SVIL: variants seen among roughly 807,000 people sequenced by gnomAD.
The protein encoded by SVIL is archvillin.
Under a neutral mutation model 240.4 loss-of-function variants are expected in SVIL, and 101 were observed. That is an observed-to-expected ratio of 0.42 (90% CI 0.36 to 0.50). The LOEUF is 0.50. Among genes scored for constraint, SVIL ranks in the 20% least tolerant of loss-of-function variants. The probability of loss-of-function intolerance (pLI) is 0.01; values close to 1 mark genes in which losing one functional copy is unlikely to be tolerated. For missense variants in SVIL, 2,512 were observed against 2,818.7 expected (o/e 0.89, Z 2.46); for synonymous variants, 999 against 1,100.0 (o/e 0.91, Z 1.82).
intron 1 of SVIL, among the ~76,000 whole-genome samples, chr10:29,723,835 G>A (rs759131403): frequency 6.6e-6 from 1 of 152,128 alleles, no homozygotes; most frequent in East Asian, 1.9e-4. Flanking sequence ...TGAAACAAAA[G>A]CCATTGTTGG....
chr10:29,652,525 C>A (rs1958871159), intron 3 of SVIL, among the ~76,000 whole-genome samples: 1 of 152,218 alleles, frequency 6.6e-6, no homozygotes, highest in Admixed American at 6.5e-5. Flanking sequence ...TATTTTTGTA[C>A]AGCTGGGACT....
chr10:29,614,483 A>G (rs919468514), intron 1 of SVIL, among the ~76,000 whole-genome samples: 1 of 152,098 alleles, frequency 6.6e-6, no homozygotes, highest in East Asian at 1.9e-4. Context: ...ATGCAGCCCT[A>G]AAAAAGGATG....
Position 29,529,790 on chromosome 10 carries a change from T to A in SVIL, c.2161A>T (p.Thr721Ser), listed in dbSNP as rs2045047322. 1 of 1,613,414 alleles carries A rather than the reference T, an allele frequency of 6.2e-7. No individual in the cohort carries two copies. The highest frequency in any genetic ancestry group is 8.5e-7 in the Non-Finnish European group (1 of 1,179,798). Residue 721 changes from threonine (T) to serine (S), a missense_variant, in exon 12 of 38, where the codon ACA (threonine) becomes TCA (serine). Thr to Ser is a moderately conservative substitution (Grantham distance 58). Transcript: ENST00000355867. ...QNVPKRRSRN[T>S]AVEQRLRRLQ... ...CGGCGTAGCCTCTGCTCCACAGCTG[T>A]GTTTCTTGAGCGTCGCTTTGGAACA...
chr10:29,508,868 A>C (rs1461596935), intron 17 of SVIL, among the ~76,000 whole-genome samples: 1 of 152,242 alleles, frequency 6.6e-6, no homozygotes, highest in Non-Finnish European at 1.5e-5. Context: ...CACTTCTTGG[A>C]AAATGTCTGA....
chr10:29,669,706 G>A (rs1197974433), intron 2 of SVIL, among the ~76,000 whole-genome samples: 1 of 152,168 alleles, frequency 6.6e-6, no homozygotes, highest in Non-Finnish European at 1.5e-5. Flanking sequence ...AGTGAACGAA[G>A]GTGCCGTTGA....
chr10:29,665,795 AAAAC>A (rs72253455), intron 2 of SVIL, among the ~76,000 whole-genome samples: 224 of 151,554 alleles, frequency 1.5e-3, no homozygotes, highest in African/African-American at 3.6e-3. Context: ...CTCCATCTCA[AAAAC>A]AAACAAACAA....
chr10:29,639,747 G>A (rs1010665150), upstream of SVIL, among the ~76,000 whole-genome samples: 3 of 152,128 alleles, frequency 2.0e-5, no homozygotes, highest in Non-Finnish European at 2.9e-5. Flanking sequence ...GATTACAGGC[G>A]TGAGCCACCA....
intron 1 of SVIL, among the ~76,000 whole-genome samples, chr10:29,714,676 T>G (rs974504904): frequency 1.3e-5 from 2 of 152,090 alleles, no homozygotes; most frequent in African/African-American, 2.4e-5. Context: ...AGAAAAAGGC[T>G]TGGCCGGGCG....
chr10:29,615,096 G>T (rs1292910662), intron 1 of SVIL, among the ~76,000 whole-genome samples: 3 of 151,952 alleles, frequency 2.0e-5, no homozygotes, highest in African/African-American at 7.3e-5. Flanking sequence ...TAGCTTCAGC[G>T]GCCACAGAGA....
Position 29,556,516 on chromosome 10 carries a change from T to C in SVIL, c.-50-1408A>G, listed in dbSNP as rs184206774. Among the ~76,000 whole-genome samples, 23 of 152,362 alleles carry C rather than the reference T, an allele frequency of 1.5e-4. No homozygotes were observed. The East Asian group carries it at 4.4e-3, about 29-fold the overall frequency. On this transcript the variant is annotated intron_variant, in intron 3 of 37. Coordinates refer to ENST00000355867, the MANE Select transcript of SVIL (RefSeq NM_021738.3). ...GGGATAGAAGCCTTGTTTTTCTTCA[T>C]TTATTTTTAAGTGATAGCCACCTTA...
chr10:29,574,254 G>A (rs557550846), intron 1 of SVIL, among the ~76,000 whole-genome samples: 547 of 152,300 alleles, frequency 3.6e-3, no homozygotes, highest in African/African-American at 0.012. Flanking sequence ...ATGGGCGTGC[G>A]AACCTGCTTT....
At chr10:29,639,157 C>T (rs1219964135), upstream of SVIL, among the ~76,000 whole-genome samples, 3 of 151,884 alleles carry the variant, frequency 2.0e-5, no homozygotes, top group Non-Finnish European at 4.4e-5. Flanking sequence ...TTCTCTAGAA[C>T]TCTTCCCCTT....
At chr10:29,601,215 T>TTTTATTTA (rs538724445) in intron 1 of SVIL, among the ~76,000 whole-genome samples, 1 of 152,202 alleles carries the variant, frequency 6.6e-6, no homozygotes, top group Non-Finnish European at 1.5e-5. Flanking sequence ...CCCCCTGGAT[T>TTTTATTTA]TTTATTTATT....
upstream of SVIL, among the ~76,000 whole-genome samples, chr10:29,636,902 G>A (rs1476086671): frequency 1.0e-3 from 157 of 152,194 alleles, no homozygotes; most frequent in South Asian, 0.012. Flanking sequence ...CTCCCCAGGA[G>A]GCAGTCCTCC....
At chr10:29,696,875 C>T (rs1447047085) in intron 1 of SVIL, among the ~76,000 whole-genome samples, 1 of 149,598 alleles carries the variant, frequency 6.7e-6, no homozygotes, top group African/African-American at 2.5e-5. Flanking sequence ...AGGGGCGCCT[C>T]TGCCCGGCCG....
In SVIL at chr10:29,686,239, T is replaced by C. The variant is rs142727775; in HGVS notation, c.-301+314A>G. ...TGTAACCTCTATCTTGGAAATTCTT[T>C]CATAATCCCTATAAATGTGAGGCTG... On this transcript the variant is annotated intron_variant, in intron 2 of 35. Transcript: ENST00000375400. 6.6e-3 allele frequency among the ~76,000 whole-genome samples: 999 copies of C among 152,316 alleles called. 10 individuals are homozygous for C. Among genetic ancestry groups the C allele is most frequent in the African/African-American group, 0.023 (942 of 41,560 alleles).
intron 6 of SVIL, among the ~76,000 whole-genome samples, chr10:29,546,707 TA>T (rs1952726435): frequency 6.6e-6 from 1 of 152,202 alleles, no homozygotes; most frequent in Admixed American, 6.5e-5. Flanking sequence ...TTTGAATATT[TA>T]GGACACTATT....
In SVIL at chr10:29,523,913, C is replaced by T. The variant is rs1182169920; in HGVS notation, c.2701G>A (p.Asp901Asn). 1 of 1,614,140 alleles carries T rather than the reference C, an allele frequency of 6.2e-7. No individual in the cohort carries two copies. Among genetic ancestry groups the T allele is most frequent in the East Asian group, 2.2e-5 (1 of 44,886 alleles). ...TAGTCAGTGGCACTTGCATTGTGGT[C>T]AAGAGGTGGCTTTGTGCGAAGATCT... ...AGDLRTKPPL[D>N]HNASATDYKF... The change falls in exon 15 of 38, where the codon GAC (aspartate) becomes AAC (asparagine). Residue 901 changes from aspartate (D) to asparagine (N), a missense_variant. By Grantham distance (23) the Asp-to-Asn change is conservative. Transcript: ENST00000355867.
rs551229666 is a variant in SVIL, at chr10:29,474,350, T to C, written c.5378-361A>G. The stretch of plus-strand genomic sequence containing the variant: ...AGGCCAGGTGAATGGCTCATGCCTG[T>C]AATCCCAACACTCTGGGAGGACTGT... On this transcript the variant is annotated intron_variant, in intron 29 of 37. Coordinates refer to ENST00000355867, the MANE Select transcript of SVIL (RefSeq NM_021738.3). Among the ~76,000 whole-genome samples the C allele has an allele frequency of 9.2e-5, 14 of 152,308 alleles. No homozygotes were observed. The East Asian group carries it at 2.7e-3, about 29-fold the overall frequency.
Sources: allele counts gnomAD v4.1 joint callset (sites outside exome capture counted in the v4.1 genomes callset), GRCh38; gene constraint gnomAD v4.1.1; transcripts MANE v1.5; gene names NCBI Gene and HGNC (gene_info 2026-07-23, HGNC 2026-07-21).